APAF1: variants seen among roughly 807,000 people sequenced by gnomAD.
APAF1 encodes apoptotic peptidase activating factor 1.
In APAF1, 91 loss-of-function variants were observed where a neutral mutation model predicts 152.4. That is an observed-to-expected ratio of 0.60 (90% CI 0.50 to 0.71). APAF1 has a LOEUF of 0.71. Among genes scored for constraint, APAF1 ranks in the 30% least tolerant of loss-of-function variants. The pLI is 0.00. For synonymous variants in APAF1, 484 were observed against 494.1 expected (o/e 0.98, Z 0.27); for missense variants, 1,283 against 1,472.0 (o/e 0.87, Z 2.10).
At chr12:98,657,056 C>T (rs1284602362) in intron 4 of APAF1, among the ~76,000 whole-genome samples, 2 of 152,184 alleles carry the variant, frequency 1.3e-5, no homozygotes, top group African/African-American at 4.8e-5. Context: ...ACCTCTTTGT[C>T]TCCTGTGAAC....
intron 16 of APAF1, among the ~76,000 whole-genome samples, chr12:98,694,435 G>A (rs1408449375): frequency 6.6e-6 from 1 of 152,098 alleles, no homozygotes; most frequent in Admixed American, 6.6e-5. Context: ...TGGAATGCTT[G>A]TGTTTCTGGA....
At chr12:98,687,352 A>G (rs879869550) in intron 16 of APAF1, among the ~76,000 whole-genome samples, 3 of 145,382 alleles carry the variant, frequency 2.1e-5, no homozygotes, top group Admixed American at 7.0e-5. Context: ...ACAGAGTGAG[A>G]CTCCGTCTCA....
intron 26 of APAF1, among the ~76,000 whole-genome samples, chr12:98,728,802 C>T (rs2097755387): frequency 6.6e-6 from 1 of 152,202 alleles, no homozygotes; most frequent in South Asian, 2.1e-4. Flanking sequence ...CAGGTCTCTG[C>T]CTCTGCTTTC....
intron 22 of APAF1, among the ~76,000 whole-genome samples, chr12:98,716,553 C>T (rs1278083920): frequency 6.6e-6 from 1 of 152,182 alleles, no homozygotes; most frequent in Non-Finnish European, 1.5e-5. Flanking sequence ...AAGTCTGAAG[C>T]CATTTTGCTG....
intron 19 of APAF1, among the ~76,000 whole-genome samples, chr12:98,708,258 T>C (rs921814341): frequency 2.6e-5 from 4 of 152,162 alleles, no homozygotes. Context: ...ACTTCTTACC[T>C]TGTGGATTGG....
At chr12:98,652,757 G>T (rs2097650505) in intron 4 of APAF1, among the ~76,000 whole-genome samples, 1 of 152,004 alleles carries the variant, frequency 6.6e-6, no homozygotes, top group African/African-American at 2.4e-5. Flanking sequence ...CTTCTGAGTA[G>T]CTGGGATTAC....
At chr12:98,689,221 C>A (rs1324544984) in intron 16 of APAF1, among the ~76,000 whole-genome samples, 1 of 152,184 alleles carries the variant, frequency 6.6e-6, no homozygotes. Context: ...CTGCCACATC[C>A]TTTCCTGTCA....
At position 98,722,061 on chromosome 12, in the gene APAF1, C is replaced by T. The variant is rs79070974; in HGVS notation, c.3085-1132C>T. 4.3e-3 allele frequency among the ~76,000 whole-genome samples: 649 copies of T among 152,230 alleles called. 7 individuals are homozygous for T. Among genetic ancestry groups the T allele is most frequent in the African/African-American group, 0.015 (615 of 41,540 alleles). On this transcript the variant is annotated intron_variant, in intron 22 of 26. Coordinates refer to ENST00000551964, the MANE Select transcript of APAF1 (RefSeq NM_181861.2). ...TGGATACCTTCCCAACCTTTTTTCTCTTCTGTTTCTTCTGCGTCTCCTATG... is the reference window on the plus strand; with the variant it reads ...TGGATACCTTCCCAACCTTTTTTCTTTTCTGTTTCTTCTGCGTCTCCTATG...
At chr12:98,717,456 A>C (rs1052062337) in intron 22 of APAF1, among the ~76,000 whole-genome samples, 1 of 151,086 alleles carries the variant, frequency 6.6e-6, no homozygotes, top group African/African-American at 2.4e-5. Context: ...GCTTGCTGCA[A>C]CCTCCGCCTC....
intron 10 of APAF1, 104 bp downstream of exon 10, chr12:98,667,748 A>G: frequency 3.3e-6 from 3 of 910,794 alleles, no homozygotes; most frequent in Non-Finnish European, 4.9e-6. Flanking sequence ...AATTTTGTTC[A>G]TATTGCTTTC....
chr12:98,709,211 A>G (rs1469226351), intron 20 of APAF1, among the ~76,000 whole-genome samples: 1 of 152,206 alleles, frequency 6.6e-6, no homozygotes, highest in Non-Finnish European at 1.5e-5. Flanking sequence ...GTAAATATTT[A>G]TTGAATGCTT....
rs561730287 is a variant in APAF1, at chr12:98,702,223, G to A, written c.2467-1148G>A. ...TGGGACTACAGGCACCTGCCACCGC[G>A]CCCGGCTAATTTTTTGTATTTTTAG... is the stretch of plus-strand genomic sequence containing the variant. On this transcript the variant is annotated intron_variant, in intron 17 of 26. Coordinates refer to ENST00000551964, the MANE Select transcript of APAF1 (RefSeq NM_181861.2). Among the ~76,000 whole-genome samples the A allele has an allele frequency of 9.2e-5, 14 of 152,058 alleles. No homozygotes were observed. In the South Asian group the frequency reaches 1.0e-3, roughly 11 times the overall value.
intron 19 of APAF1, 135 bp downstream of exon 19, chr12:98,706,745 A>G: frequency 2.0e-6 from 2 of 1,019,508 alleles, no homozygotes; most frequent in Non-Finnish European, 1.5e-6. Flanking sequence ...CACCCTGGAA[A>G]AGTGCTGTTA....
intron 10 of APAF1, among the ~76,000 whole-genome samples, chr12:98,669,917 CCCTCCCCTCTTCCT>C (rs1354651214): frequency 7.0e-6 from 1 of 142,560 alleles, no homozygotes; most frequent in African/African-American, 2.6e-5. Context: ...CCTCTTCCTG[CCCTCCCCTCTTCCT>C]GCCCTTGCCC....
intron 16 of APAF1, among the ~76,000 whole-genome samples, chr12:98,695,881 G>A (rs140799322): frequency 1.2e-3 from 179 of 152,254 alleles, no homozygotes; most frequent in African/African-American, 4.1e-3. Context: ...CACTTCCTGA[G>A]TCTTTTTGGA....
chr12:98,648,673 A>G lies in APAF1; in HGVS notation c.186A>G (p.Lys62=). The change falls in exon 3 of 27, where the codon AAA becomes AAG. Residue 62 remains lysine (K), a synonymous_variant. Transcript: ENST00000551964. ...RAAMLIKMIL[K]KDNDSYVSFY... ...CTATGCTGATTAAAATGATACTTAA[A>G]AAAGATAATGATTCCTACGTATCAT... is the stretch of plus-strand genomic sequence containing the variant. 6.2e-7 allele frequency: 1 copy of G among 1,613,964 alleles called. No individual in the cohort carries two copies.
chr12:98,712,533 T>C (rs2097729126), intron 21 of APAF1, 98 bp downstream of exon 21: 1 of 780,590 alleles, frequency 1.3e-6, no homozygotes, highest in African/African-American at 1.7e-5. Context: ...TATTTTTATT[T>C]TTGAAATGGG....
intron 4 of APAF1, among the ~76,000 whole-genome samples, chr12:98,657,886 A>G (rs761903065): frequency 6.6e-6 from 1 of 152,252 alleles, no homozygotes; most frequent in East Asian, 1.9e-4. Context: ...ATGAACATAC[A>G]GAGAACTCTT....
intron 13 of APAF1, among the ~76,000 whole-genome samples, chr12:98,679,702 C>A (rs2097690342): frequency 6.6e-6 from 1 of 152,246 alleles, no homozygotes. Flanking sequence ...AGCTTCTGGG[C>A]ACCACCGTGT....
Sources: allele counts gnomAD v4.1 joint callset (sites outside exome capture counted in the v4.1 genomes callset), GRCh38; gene constraint gnomAD v4.1.1; transcripts MANE v1.5; gene names NCBI Gene and HGNC (gene_info 2026-07-23, HGNC 2026-07-21).